The following NTM variants were observed in gnomAD, a reference collection of about 807,000 sequenced individuals.
NTM encodes neurotrimin.
In NTM, 13 loss-of-function variants were observed where a neutral mutation model predicts 42.1. The observed-to-expected ratio is 0.31, with a 90% CI of 0.20 to 0.49. The LOEUF is 0.49. Ranked by LOEUF, NTM falls within the 20% of genes least tolerant of loss-of-function variation. The pLI is 0.99. For synonymous variants in NTM, 187 were observed against 179.2 expected, an observed-to-expected ratio of 1.04 and a Z score of -0.35; for missense variants, 373 against 452.8, an observed-to-expected ratio of 0.82 and a Z score of 1.60.
At chr11:131,655,714 T>C (rs1217795508) in intron 1 of NTM, among the ~76,000 whole-genome samples, 1 of 152,226 alleles carries the variant, frequency 6.6e-6, no homozygotes, top group African/African-American at 2.4e-5. Context: ...AGCACATTGT[T>C]CGATCTGACT....
At chr11:131,973,088 A>T (rs1304527137) in intron 2 of NTM, among the ~76,000 whole-genome samples, 1 of 152,010 alleles carries the variant, frequency 6.6e-6, no homozygotes, top group East Asian at 1.9e-4. Context: ...TATTAGAATG[A>T]CTCCACTTTC....
chr11:131,874,908 G>A (rs993898329), intron 1 of NTM, among the ~76,000 whole-genome samples: 1 of 152,172 alleles, frequency 6.6e-6, no homozygotes, highest in South Asian at 2.1e-4. Context: ...TAATTGAAGA[G>A]AGTTTTTCTA....
At chr11:132,058,991 G>T (rs767136593) in intron 2 of NTM, among the ~76,000 whole-genome samples, 7 of 152,234 alleles carry the variant, frequency 4.6e-5, no homozygotes, top group Non-Finnish European at 7.3e-5. Flanking sequence ...GGTATCAAGC[G>T]TGCAAACTCT....
chr11:132,222,728 T>A (rs1489609569), intron 4 of NTM, among the ~76,000 whole-genome samples: 2 of 152,104 alleles, frequency 1.3e-5, no homozygotes, highest in East Asian at 3.9e-4. Context: ...TACCCAACAG[T>A]GGTGGGTTCT....
intron 1 of NTM, among the ~76,000 whole-genome samples, chr11:131,680,801 G>C (rs2072499853): frequency 3.9e-3 from 4 of 1,022 alleles, no homozygotes; most frequent in African/African-American, 4.8e-3. Context: ...GTGTGTGTGT[G>C]TGTGTGTGTG....
intron 1 of NTM, among the ~76,000 whole-genome samples, chr11:131,819,758 G>A (rs770707082): frequency 2.0e-5 from 3 of 152,216 alleles, no homozygotes; most frequent in African/African-American, 2.4e-5. Context: ...GTTCGGGGCT[G>A]TGACAGAAGG....
Position 132,134,414 on chromosome 11 carries a change from T to G in NTM, c.168-11868T>G, listed in dbSNP as rs966415709. Among the ~76,000 whole-genome samples the G allele has an allele frequency of 7.2e-5, 11 of 152,000 alleles. No individual in the cohort carries two copies. The South Asian group carries it at 1.5e-3, about 20-fold the overall frequency. ...TCTTCAGTGGTAATTTCTGAGCTTTTGGTGCACCTTCACTCGAGCAGTGTA... is the reference window on the plus strand; with the variant it reads ...TCTTCAGTGGTAATTTCTGAGCTTTGGGTGCACCTTCACTCGAGCAGTGTA... On this transcript the variant is annotated intron_variant, in intron 2 of 8. Coordinates refer to ENST00000683400, the MANE Select transcript of NTM (RefSeq NM_001352005.2).
intron 1 of NTM, among the ~76,000 whole-genome samples, chr11:131,694,048 C>T (rs895079898): frequency 2.0e-5 from 3 of 152,166 alleles, no homozygotes; most frequent in African/African-American, 4.8e-5. Context: ...CACCTCTCCC[C>T]GACTTTCGTT....
intron 1 of NTM, among the ~76,000 whole-genome samples, chr11:131,600,771 G>A (rs2060412860): frequency 6.6e-6 from 1 of 152,132 alleles, no homozygotes; most frequent in African/African-American, 2.4e-5. Context: ...ACAACAAGAA[G>A]CAAAGCCTCA....
intron 2 of NTM, among the ~76,000 whole-genome samples, chr11:132,108,418 G>T (rs2062695114): frequency 6.6e-6 from 1 of 152,152 alleles, no homozygotes; most frequent in African/African-American, 2.4e-5. Context: ...TATTTTAAGT[G>T]AAGTAACTCA....
chr11:131,453,814 TC>T (rs60604480), intron 1 of NTM, among the ~76,000 whole-genome samples: 39,891 of 152,008 alleles, frequency 0.26, 6,213 homozygotes, highest in East Asian at 0.68. Context: ...GTGTGATAAC[TC>T]CAACATCCAC....
chr11:131,965,450 A>G (rs1368715562), intron 2 of NTM, among the ~76,000 whole-genome samples: 1 of 152,252 alleles, frequency 6.6e-6, no homozygotes, highest in Non-Finnish European at 1.5e-5. Flanking sequence ...TTAATGCTTG[A>G]ATGCCAACTA....
intron 1 of NTM, chr11:131,910,942 G>C (rs1032847680): frequency 5.4e-5 from 53 of 987,506 alleles, no homozygotes; most frequent in Non-Finnish European, 6.1e-5. Context: ...CGCCTCCCGC[G>C]AGCTCCACTT....
intron 2 of NTM, among the ~76,000 whole-genome samples, chr11:132,139,864 G>A (rs763182832): frequency 2.6e-5 from 4 of 152,128 alleles, no homozygotes; most frequent in Non-Finnish European, 4.4e-5. Flanking sequence ...TGCCTACGTT[G>A]TACTCTACAC....
chr11:131,874,058 T>C (rs1231959749), intron 1 of NTM, among the ~76,000 whole-genome samples: 1 of 51,730 alleles, frequency 1.9e-5, no homozygotes, highest in African/African-American at 5.3e-5. Flanking sequence ...TATATATATA[T>C]ATATATATAT....
At chr11:131,681,683 G>A (rs59906462) in intron 1 of NTM, among the ~76,000 whole-genome samples, 659 of 58,848 alleles carry the variant, frequency 0.011, 3 homozygotes, top group African/African-American at 0.037. Flanking sequence ...GTGTGTGAGC[G>A]TGTGTGTTTC....
intron 2 of NTM, among the ~76,000 whole-genome samples, chr11:131,962,976 G>A (rs1221433814): frequency 2.6e-5 from 4 of 152,156 alleles, no homozygotes; most frequent in Non-Finnish European, 5.9e-5. Flanking sequence ...AATAGCGTTT[G>A]CTACAGGGTG....
chr11:132,137,472 T>C (rs1444664102), intron 2 of NTM, among the ~76,000 whole-genome samples: 1 of 152,208 alleles, frequency 6.6e-6, no homozygotes, highest in Non-Finnish European at 1.5e-5. Flanking sequence ...GTCTTCAGGA[T>C]AAAATGCAGA....
intron 3 of NTM, among the ~76,000 whole-genome samples, chr11:132,149,704 G>A (rs2071422313): frequency 6.6e-6 from 1 of 152,138 alleles, no homozygotes; most frequent in Non-Finnish European, 1.5e-5. Flanking sequence ...GCGACCACAT[G>A]GAGCAAGTCT....
Sources: allele counts gnomAD v4.1 joint callset (sites outside exome capture counted in the v4.1 genomes callset), GRCh38; gene constraint gnomAD v4.1.1; transcripts MANE v1.5; gene names NCBI Gene and HGNC (gene_info 2026-07-23, HGNC 2026-07-21).